Variants in DOP1B observed in about 807,000 individuals in gnomAD.
DOP1B encodes the protein protein DOP1B.
Under a neutral mutation model 233.5 loss-of-function variants are expected in DOP1B, and 174 were observed. That is an observed-to-expected ratio of 0.75 (90% CI 0.66 to 0.85). The LOEUF (loss-of-function observed/expected upper bound fraction) is 0.85. DOP1B is among the 40% of genes least tolerant of loss of function. The probability of loss-of-function intolerance (pLI) is 0.00; values close to 1 mark genes in which losing one functional copy is unlikely to be tolerated. For missense variants in DOP1B, 2,652 were observed against 2,846.6 expected (o/e 0.93, Z 1.56); for synonymous variants, 1,190 against 1,185.6 (o/e 1.00, Z -0.08).
chr21:36,227,358 T>G (rs542131144), intron 12 of DOP1B, among the ~76,000 whole-genome samples: 5 of 151,380 alleles, frequency 3.3e-5, no homozygotes, highest in Non-Finnish European at 5.9e-5. Context: ...CCATCCTGGC[T>G]AACACGGTGA....
intron 2 of DOP1B, among the ~76,000 whole-genome samples, chr21:36,194,983 A>G (rs2066273063): frequency 6.6e-6 from 1 of 151,992 alleles, no homozygotes; most frequent in Non-Finnish European, 1.5e-5. Flanking sequence ...GTGCAGGTGG[A>G]TCAATTGAGC....
chr21:36,256,175 A>G (rs748289607), intron 23 of DOP1B, among the ~76,000 whole-genome samples: 33 of 152,168 alleles, frequency 2.2e-4, no homozygotes, highest in Non-Finnish European at 2.6e-4. Context: ...AATCTAAATG[A>G]AAATTAGGGG....
In DOP1B at chr21:36,225,628, C is replaced by T; in HGVS notation, c.1434C>T (p.Leu478=). Residue 478 remains leucine (L), a synonymous_variant, in exon 12 of 37, where the codon CTC becomes CTT. Coordinates refer to ENST00000691173, the MANE Select transcript of DOP1B (RefSeq NM_001320714.2). ...SVSPPPTVSE[L]CALLVFLLDV... ...GCCCTCCCCCCACGGTCTCGGAGCT[C>T]TGCGCCCTCCTGGTCTTCCTGCTGG... is the stretch of plus-strand genomic sequence containing the variant. 6.2e-7 allele frequency: 1 copy of T among 1,614,246 alleles called. No individual in the cohort carries two copies. Among genetic ancestry groups the T allele is most frequent in the Non-Finnish European group, 8.5e-7 (1 of 1,180,044 alleles).
At chr21:36,260,935 G>A in intron 24 of DOP1B, 2 of 1,383,580 alleles carry the variant, frequency 1.4e-6, no homozygotes, top group Non-Finnish European at 9.3e-7. Context: ...AATCTGTGCA[G>A]CGTACTTTGA....
chr21:36,169,038 TG>T, intron 2 of DOP1B: 1 of 847,622 alleles, frequency 1.2e-6, no homozygotes. Context: ...TTCTCCTCCA[TG>T]GTCTGGAAGC....
intron 23 of DOP1B, among the ~76,000 whole-genome samples, chr21:36,259,832 C>T (rs1015232384): frequency 1.3e-5 from 2 of 152,060 alleles, no homozygotes; most frequent in African/African-American, 4.8e-5. Flanking sequence ...TGATTTTTGG[C>T]GGTTCAAATA....
At chr21:36,182,318 C>A (rs1173952493) in intron 2 of DOP1B, among the ~76,000 whole-genome samples, 2 of 152,094 alleles carry the variant, frequency 1.3e-5, no homozygotes, top group African/African-American at 4.8e-5. Context: ...TGGTGATGCG[C>A]TGCAGGGTGG....
chr21:36,160,065 CTG>C (rs1418020745), intron 1 of DOP1B, among the ~76,000 whole-genome samples: 5 of 152,130 alleles, frequency 3.3e-5, no homozygotes, highest in South Asian at 2.1e-4. Context: ...AGTGAACAGA[CTG>C]TGCACCATTG....
At chr21:36,289,287 T>C (rs1569074071) in intron 35 of DOP1B, 81 bp downstream of exon 35, 2 of 1,447,800 alleles carry the variant, frequency 1.4e-6, no homozygotes, top group Non-Finnish European at 1.9e-6. Flanking sequence ...TTGTTTTTCA[T>C]GTACAGTTTA....
At chr21:36,165,948 C>T (rs1054614472) in intron 2 of DOP1B, among the ~76,000 whole-genome samples, 1 of 150,982 alleles carries the variant, frequency 6.6e-6, no homozygotes, top group Admixed American at 6.6e-5. Flanking sequence ...AACTCCTGAC[C>T]TCAAGTGATC....
Position 36,270,100 on chromosome 21 carries a change from G to A in DOP1B, c.5575G>A (p.Val1859Met). Residue 1859 changes from valine to methionine, a missense_variant, in exon 27 of 37, where the codon GTG becomes ATG. Physicochemically the swap from Val to Met is conservative, Grantham distance 21. Coordinates refer to ENST00000691173, the MANE Select transcript of DOP1B (RefSeq NM_001320714.2). ...CAGCTGGCTAAGCAGAAACCTGGAA[G>A]TGAAGGCCCAACCTCAGGCCTCTCT... ...QTSWLSRNLE[V>M]KAQPQASLEE... is the part of the protein sequence containing the mutation. 1 of 1,614,174 alleles carries A rather than the reference G, an allele frequency of 6.2e-7. No homozygotes were observed. Among genetic ancestry groups the A allele is most frequent in the South Asian group, 1.1e-5 (1 of 91,080 alleles).
At chr21:36,283,538 A>C (rs868032291) in intron 32 of DOP1B, among the ~76,000 whole-genome samples, 6 of 152,236 alleles carry the variant, frequency 3.9e-5, no homozygotes, top group South Asian at 2.1e-4. Context: ...TTGAACACTT[A>C]AGAAACATGA....
At chr21:36,180,359 A>G (rs1488003875) in intron 2 of DOP1B, among the ~76,000 whole-genome samples, 1 of 152,174 alleles carries the variant, frequency 6.6e-6, no homozygotes, top group Non-Finnish European at 1.5e-5. Context: ...ACCTGAGGTC[A>G]GGAGTTCAAG....
At chr21:36,218,038 G>C (rs924046572) in intron 9 of DOP1B, among the ~76,000 whole-genome samples, 1 of 152,138 alleles carries the variant, frequency 6.6e-6, no homozygotes, top group South Asian at 2.1e-4. Flanking sequence ...TTTTTTAGCT[G>C]TCTGCAAGAA....
intron 5 of DOP1B, among the ~76,000 whole-genome samples, chr21:36,209,871 GAGA>G (rs1338616678): frequency 6.6e-6 from 1 of 152,152 alleles, no homozygotes; most frequent in Non-Finnish European, 1.5e-5. Context: ...ATTCGCAGGT[GAGA>G]AGATCTGCAG....
chr21:36,233,122 G>T, intron 15 of DOP1B, 47 bp downstream of exon 15: 1 of 1,586,848 alleles, frequency 6.3e-7, no homozygotes, highest in South Asian at 1.1e-5. Flanking sequence ...TTCTCCCCCT[G>T]AGCAAAACTC....
At chr21:36,158,951 A>G (rs1004632823) in intron 1 of DOP1B, among the ~76,000 whole-genome samples, 3 of 151,050 alleles carry the variant, frequency 2.0e-5, no homozygotes, top group Non-Finnish European at 4.4e-5. Context: ...AACATGGTGA[A>G]ACTCTGTCTC....
intron 2 of DOP1B, chr21:36,169,540 G>A (rs1001121994): frequency 1.2e-5 from 13 of 1,120,570 alleles, no homozygotes; most frequent in African/African-American, 7.6e-5. Flanking sequence ...CGATCATCTC[G>A]TCCAGCCCAA....
rs141360505 is a variant in DOP1B, at chr21:36,175,358, G to A, written c.138+10487G>A. 4.7e-3 allele frequency among the ~76,000 whole-genome samples: 706 copies of A among 151,592 alleles called. 7 individuals are homozygous for A. Among genetic ancestry groups the A allele is most frequent in the Non-Finnish European group, 6.5e-3 (439 of 67,862 alleles). ...ACTCCTGACCTTAAGTGATCCGCCC[G>A]CCTCGGCCTCCCAAAGTGCTGGGAT... On this transcript the variant is annotated intron_variant, in intron 2 of 36. Transcript: ENST00000691173.
Sources: gnomAD v4.1 joint callset for allele counts (sites outside exome capture counted in the v4.1 genomes callset) on GRCh38, gnomAD v4.1.1 for gene constraint, MANE v1.5 for transcripts, NCBI Gene and HGNC (gene_info 2026-07-23, HGNC 2026-07-21) for gene names.